The following LRRC37A2 variants were observed in gnomAD, a reference collection of about 807,000 sequenced individuals.
LRRC37A2 encodes leucine rich repeat containing 37 member A2.
LRRC37A2 carries 9 observed loss-of-function variants against 68.8 expected under a neutral mutation model. The observed-to-expected ratio is 0.13, with a 90% confidence interval of 0.08 to 0.23. The LOEUF is 0.23. LRRC37A2 is among the 10% of genes least tolerant of loss of function. The pLI is 1.00. For synonymous variants in LRRC37A2, 63 were observed against 367.6 expected (o/e 0.17, Z 9.48); for missense variants, 168 against 950.4 (o/e 0.18, Z 10.82).
chr17:46,440,340 T>C, the LRRC37A2 span, among the ~76,000 whole-genome samples: 3 of 72,924 alleles, frequency 4.1e-5, no homozygotes, highest in Admixed American at 3.9e-4. Flanking sequence ...CTGTTCTCGC[T>C]TTGAAGAGCT....
chr17:46,727,876 G>A, the LRRC37A2 span, among the ~76,000 whole-genome samples: 4 of 152,170 alleles, frequency 2.6e-5, no homozygotes, highest in African/African-American at 4.8e-5. Context: ...CACTTGCTGA[G>A]CCCTTCCTCC....
At chr17:46,857,357 C>T in the LRRC37A2 span, among the ~76,000 whole-genome samples, 3 of 151,846 alleles carry the variant, frequency 2.0e-5, no homozygotes, top group East Asian at 3.9e-4. Flanking sequence ...TGCCTCTAAT[C>T]CCAGCTACTC....
chr17:46,835,047 C>T, the LRRC37A2 span, among the ~76,000 whole-genome samples: 42 of 152,260 alleles, frequency 2.8e-4, no homozygotes, highest in African/African-American at 7.7e-4. Flanking sequence ...CAGGCTGCAG[C>T]GCAGTAGTGC....
the LRRC37A2 span, among the ~76,000 whole-genome samples, chr17:46,837,233 G>A: frequency 4.6e-5 from 7 of 152,196 alleles, no homozygotes; most frequent in Admixed American, 3.3e-4. Flanking sequence ...GAGCCACCGT[G>A]CCTGGCTGAA....
the LRRC37A2 span, among the ~76,000 whole-genome samples, chr17:46,914,928 C>T: frequency 1.3e-5 from 2 of 152,196 alleles, no homozygotes; most frequent in African/African-American, 2.4e-5. Context: ...ATTGTCCTTA[C>T]TACTCATTAC....
At chr17:47,005,438 T>C in the LRRC37A2 span, among the ~76,000 whole-genome samples, 1 of 151,846 alleles carries the variant, frequency 6.6e-6, no homozygotes, top group East Asian at 1.9e-4. Context: ...AGGAAGGCAG[T>C]GATAGCCCTC....
the LRRC37A2 span, among the ~76,000 whole-genome samples, chr17:46,803,652 C>A: frequency 6.6e-6 from 1 of 152,268 alleles, no homozygotes; most frequent in Non-Finnish European, 1.5e-5. Flanking sequence ...CATGGGAGAT[C>A]TAGCCCCAGG....
At chr17:46,907,481 TTCTC>T in the LRRC37A2 span, among the ~76,000 whole-genome samples, 1 of 151,682 alleles carries the variant, frequency 6.6e-6, no homozygotes, top group East Asian at 1.9e-4. Flanking sequence ...CATCTCCTCT[TTCTC>T]TCCAGCCCCA....
At chr17:46,960,267 A>G in the LRRC37A2 span, among the ~76,000 whole-genome samples, 1 of 152,246 alleles carries the variant, frequency 6.6e-6, no homozygotes, top group African/African-American at 2.4e-5. Context: ...ATCATCATTC[A>G]ATAGAAGACA....
chr17:47,006,157 C>T, the LRRC37A2 span, among the ~76,000 whole-genome samples: 2 of 151,698 alleles, frequency 1.3e-5, no homozygotes, highest in Admixed American at 6.6e-5. Flanking sequence ...TGCAACAGAG[C>T]GAGACTCCAT....
chr17:46,752,568 G>A, the LRRC37A2 span, among the ~76,000 whole-genome samples: 22 of 152,168 alleles, frequency 1.4e-4, 1 homozygote, highest in Middle Eastern at 0.017. Context: ...CGTTCCTCCC[G>A]TCTCAGCCTC....
At chr17:46,939,639 C>T in the LRRC37A2 span, 2 of 985,648 alleles carry the variant, frequency 2.0e-6, no homozygotes, top group Non-Finnish European at 2.4e-6. Context: ...CTTTGGTTCC[C>T]TTCTCTTCCC....
the LRRC37A2 span, among the ~76,000 whole-genome samples, chr17:46,894,797 C>T: frequency 2.0e-5 from 3 of 152,178 alleles, no homozygotes; most frequent in Non-Finnish European, 2.9e-5. Flanking sequence ...CTGATAAAAG[C>T]GATAATTAGC....
At chr17:46,822,457 C>G in the LRRC37A2 span, among the ~76,000 whole-genome samples, 1 of 152,230 alleles carries the variant, frequency 6.6e-6, no homozygotes, top group Non-Finnish European at 1.5e-5. Context: ...CACAAAGGAG[C>G]GCAGGTGCAC....
At chr17:46,819,582 G>T in the LRRC37A2 span, among the ~76,000 whole-genome samples, 1 of 152,196 alleles carries the variant, frequency 6.6e-6, no homozygotes, top group South Asian at 2.1e-4. The surrounding 1 kb of genome is among the most constrained non-coding windows in gnomAD (Gnocchi z 5.3). Context: ...CTCTGGCCGA[G>T]GGCGGCCCAG....
chr17:46,976,172 C>G, the LRRC37A2 span, among the ~76,000 whole-genome samples: 1 of 151,646 alleles, frequency 6.6e-6, no homozygotes, highest in Non-Finnish European at 1.5e-5. Flanking sequence ...GTGATCTGCC[C>G]GCCTCGGCCT....
the LRRC37A2 span, among the ~76,000 whole-genome samples, chr17:46,860,258 C>T: frequency 2.0e-5 from 3 of 152,228 alleles, no homozygotes; most frequent in South Asian, 2.1e-4. Context: ...GGAAGCGGGG[C>T]CGGCAGACTC....
the LRRC37A2 span, among the ~76,000 whole-genome samples, chr17:46,842,911 G>A: frequency 1.3e-5 from 2 of 152,232 alleles, no homozygotes; most frequent in African/African-American, 4.8e-5. Flanking sequence ...TGGACAGGGA[G>A]TGTTGTATCC....
the LRRC37A2 span, among the ~76,000 whole-genome samples, chr17:46,994,824 C>CA: frequency 5.3e-4 from 80 of 151,754 alleles, no homozygotes; most frequent in East Asian, 2.7e-3. Context: ...CAAAACAAAA[C>CA]AAAAAAAACA....
Sources: gnomAD v4.1 joint callset for allele counts (sites outside exome capture counted in the v4.1 genomes callset) on GRCh38, gnomAD v4.1.1 for gene constraint, Gnocchi (gnomAD v3.1) non-coding constraint, MANE v1.5 for transcripts, NCBI Gene and HGNC (gene_info 2026-07-23, HGNC 2026-07-21) for gene names.